The following KCNAB1 variants were observed in gnomAD, a reference collection of about 807,000 sequenced individuals.
The protein encoded by KCNAB1 is potassium voltage-gated channel subfamily A regulatory beta subunit 1, also known as voltage-gated potassium channel subunit beta-1.
A neutral mutation model predicts 64.6 loss-of-function variants in KCNAB1; 35 were observed. The observed-to-expected ratio is 0.54, with a 90% CI of 0.41 to 0.72. KCNAB1 has a LOEUF of 0.72. KCNAB1 is among the 30% of genes least tolerant of loss of function. The probability of loss-of-function intolerance (pLI) is 0.00; values close to 1 mark genes in which losing one functional copy is unlikely to be tolerated. For missense variants in KCNAB1, 401 were observed against 512.9 expected, an observed-to-expected ratio of 0.78 and a Z score of 2.11; for synonymous variants, 177 against 183.8, an observed-to-expected ratio of 0.96 and a Z score of 0.30.
At chr3:156,283,470 C>G (rs1361612820) in intron 1 of KCNAB1, among the ~76,000 whole-genome samples, 1 of 148,554 alleles carries the variant, frequency 6.7e-6, no homozygotes, top group African/African-American at 2.5e-5. Context: ...CGAGGAGTAT[C>G]TTTGTGGCGT....
intron 1 of KCNAB1, among the ~76,000 whole-genome samples, chr3:156,147,569 C>T (rs1185575562): frequency 6.6e-6 from 1 of 151,946 alleles, no homozygotes; most frequent in Non-Finnish European, 1.5e-5. Context: ...AATGACAGGG[C>T]TTCTCCAGGT....
chr3:156,226,178 C>T (rs1349839081), intron 1 of KCNAB1, among the ~76,000 whole-genome samples: 2 of 152,080 alleles, frequency 1.3e-5, no homozygotes, highest in African/African-American at 4.8e-5. Flanking sequence ...ACTGTAAGGC[C>T]ACAGTCACCA....
chr3:156,276,035 C>A (rs192884593), intron 1 of KCNAB1, among the ~76,000 whole-genome samples: 1 of 151,916 alleles, frequency 6.6e-6, no homozygotes, highest in African/African-American at 2.4e-5. Context: ...CAGCTGTAGC[C>A]TTATGAAATG....
At chr3:156,288,969 C>G (rs1039677399) in intron 1 of KCNAB1, among the ~76,000 whole-genome samples, 2 of 152,138 alleles carry the variant, frequency 1.3e-5, no homozygotes, top group East Asian at 1.9e-4. Context: ...GTTTTCTTAT[C>G]TCCTTCTCTC....
intron 1 of KCNAB1, among the ~76,000 whole-genome samples, chr3:156,249,025 TG>T (rs146653164): frequency 3.2e-4 from 32 of 98,826 alleles, no homozygotes; most frequent in East Asian, 1.3e-3. Context: ...GAAATCTGGT[TG>T]TGTTTTTTTT....
intron 10 of KCNAB1, among the ~76,000 whole-genome samples, chr3:156,515,582 C>T (rs1440662770): frequency 2.0e-5 from 3 of 152,094 alleles, no homozygotes; most frequent in African/African-American, 7.2e-5. Context: ...CAAAAAAAAT[C>T]ATGGATATAT....
At chr3:156,333,852 A>G (rs1723505959) in intron 1 of KCNAB1, among the ~76,000 whole-genome samples, 1 of 152,160 alleles carries the variant, frequency 6.6e-6, no homozygotes. Flanking sequence ...GCATCTTTTC[A>G]CATATTTAAA....
intron 1 of KCNAB1, among the ~76,000 whole-genome samples, chr3:156,319,528 C>A (rs1722515991): frequency 6.6e-6 from 1 of 152,126 alleles, no homozygotes; most frequent in African/African-American, 2.4e-5. Flanking sequence ...TTAAGAAGGG[C>A]AGGGAAGTAC....
chr3:156,351,043 C>T (rs753253995), intron 1 of KCNAB1, among the ~76,000 whole-genome samples: 30 of 152,120 alleles, frequency 2.0e-4, no homozygotes, highest in Non-Finnish European at 2.6e-4. Context: ...AAAGATAGTG[C>T]GGTGGGAGAA....
chr3:156,147,955 A>ACG (rs1560107781), intron 1 of KCNAB1, among the ~76,000 whole-genome samples: 6 of 132,824 alleles, frequency 4.5e-5, no homozygotes, highest in African/African-American at 1.9e-4. Flanking sequence ...ACACACACAC[A>ACG]CACACGCACG....
chr3:156,229,916 T>G (rs1716417166), intron 1 of KCNAB1, among the ~76,000 whole-genome samples: 1 of 152,172 alleles, frequency 6.6e-6, no homozygotes. Context: ...TGTCTCAAAC[T>G]GTGATAGTTG....
chr3:156,131,809 G>T (rs1714014782), intron 1 of KCNAB1, among the ~76,000 whole-genome samples: 1 of 152,206 alleles, frequency 6.6e-6, no homozygotes, highest in Admixed American at 6.5e-5. Flanking sequence ...GTCCAGTCAG[G>T]TGGGACTTGG....
Position 156,138,953 on chromosome 3 carries a change from A to G in KCNAB1, c.275+18067A>G, listed in dbSNP as rs546097779. On this transcript the variant is annotated intron_variant, in intron 1 of 13. Coordinates refer to ENST00000490337, the MANE Select transcript of KCNAB1 (RefSeq NM_172160.3). ...GGACGGGGCAGGCAGCACCTGTCTC[A>G]TCACATGGCCTTGTTGCTTTTTCCT... 5.3e-5 allele frequency among the ~76,000 whole-genome samples: 8 copies of G among 152,296 alleles called. No individual in the cohort carries two copies. The South Asian group carries it at 1.5e-3, about 28-fold the overall frequency.
intron 1 of KCNAB1, among the ~76,000 whole-genome samples, chr3:156,368,545 C>T (rs915709416): frequency 6.6e-6 from 1 of 152,172 alleles, no homozygotes; most frequent in Non-Finnish European, 1.5e-5. Flanking sequence ...TCACCTTGGC[C>T]TCTCAAAACA....
chr3:156,305,567 G>T (rs534388091), intron 1 of KCNAB1, among the ~76,000 whole-genome samples: 1 of 152,234 alleles, frequency 6.6e-6, no homozygotes, highest in Admixed American at 6.5e-5. Context: ...CTTGACCTTG[G>T]TTACTGAATA....
intron 1 of KCNAB1, among the ~76,000 whole-genome samples, chr3:156,177,363 G>T (rs974385740): frequency 6.6e-6 from 1 of 151,936 alleles, no homozygotes; most frequent in East Asian, 1.9e-4. Context: ...TGAATTTATG[G>T]TATTTTTATT....
chr3:156,331,808 T>G (rs1443402329), intron 1 of KCNAB1, among the ~76,000 whole-genome samples: 1 of 152,184 alleles, frequency 6.6e-6, no homozygotes. Flanking sequence ...AAGCCCCTGG[T>G]GTTGATGAAT....
chr3:156,205,116 A>G (rs1714575876), intron 1 of KCNAB1, among the ~76,000 whole-genome samples: 2 of 152,076 alleles, frequency 1.3e-5, no homozygotes, highest in African/African-American at 4.8e-5. Flanking sequence ...TTCTTTGCCA[A>G]CTCTGGGGTA....
chr3:156,446,448 T>C (rs1042597046), intron 2 of KCNAB1, among the ~76,000 whole-genome samples: 4 of 152,250 alleles, frequency 2.6e-5, no homozygotes, highest in African/African-American at 9.6e-5. Context: ...TTAAATTCTT[T>C]AGTGACGTAA....
Sources: gnomAD v4.1 joint callset for allele counts (sites outside exome capture counted in the v4.1 genomes callset) on GRCh38, gnomAD v4.1.1 for gene constraint, MANE v1.5 for transcripts, NCBI Gene and HGNC (gene_info 2026-07-23, HGNC 2026-07-21) for gene names.